ADAMTS16: variants seen among roughly 807,000 people sequenced by gnomAD.
The protein encoded by ADAMTS16 is ADAM metallopeptidase with thrombospondin type 1 motif 16.
ADAMTS16 carries 94 observed loss-of-function variants against 145.8 expected under a neutral mutation model. The observed-to-expected ratio is 0.64, with a 90% CI of 0.55 to 0.77. ADAMTS16 has a LOEUF of 0.77. Ranked by LOEUF, ADAMTS16 falls within the 30% of genes least tolerant of loss-of-function variation. The pLI is 0.00. For missense variants in ADAMTS16, 1,585 were observed against 1,591.5 expected, an observed-to-expected ratio of 1.00 and a Z score of 0.07; for synonymous variants, 659 against 604.3, an observed-to-expected ratio of 1.09 and a Z score of -1.33.
intron 3 of ADAMTS16, among the ~76,000 whole-genome samples, chr5:5,181,058 T>G (rs1735325890): frequency 6.6e-6 from 1 of 152,254 alleles, no homozygotes; most frequent in Non-Finnish European, 1.5e-5. Flanking sequence ...TTAAATTGTT[T>G]CTTGTTTTTA....
intron 3 of ADAMTS16, among the ~76,000 whole-genome samples, chr5:5,169,744 G>A (rs972957015): frequency 7.9e-5 from 12 of 152,124 alleles, no homozygotes; most frequent in Non-Finnish European, 1.6e-4. Flanking sequence ...GGTCGTCCAC[G>A]CCCAGTTTCT....
chr5:5,206,298 C>T lies in ADAMTS16; in HGVS notation c.1452-2795C>T, dbSNP rs866345133. Among the ~76,000 whole-genome samples, 1,081 of 144,850 alleles carry T rather than the reference C, an allele frequency of 7.5e-3. 13 individuals are homozygous for T. The highest frequency in any genetic ancestry group is 0.027 in the African/African-American group (1,038 of 39,166). Reference sequence around the variant, plus strand: ...AAAATTAGCCGGGCGTAGTGGCGGGCGCCTGTAGTCCCAGCTACTTGGGAG... The same window carrying T: ...AAAATTAGCCGGGCGTAGTGGCGGGTGCCTGTAGTCCCAGCTACTTGGGAG... On this transcript the variant is annotated intron_variant, in intron 9 of 22. Transcript: ENST00000274181.
intron 21 of ADAMTS16, among the ~76,000 whole-genome samples, chr5:5,309,724 C>T (rs1740339861): frequency 6.6e-6 from 1 of 152,052 alleles, no homozygotes; most frequent in Admixed American, 6.5e-5. Flanking sequence ...TTCCTGGCTG[C>T]TGACCCATGA....
intron 3 of ADAMTS16, among the ~76,000 whole-genome samples, chr5:5,152,200 C>G (rs937608862): frequency 6.6e-6 from 1 of 152,260 alleles, no homozygotes; most frequent in African/African-American, 2.4e-5. Flanking sequence ...CAGCCTGTCT[C>G]TTCTCCTGGG....
chr5:5,226,531 T>C (rs1189504628), intron 11 of ADAMTS16, among the ~76,000 whole-genome samples: 1 of 152,120 alleles, frequency 6.6e-6, no homozygotes, highest in South Asian at 2.1e-4. Flanking sequence ...AGCCAAACCA[T>C]ATAAGACATC....
rs1736035045 is a variant in ADAMTS16 at position 5,204,356 on chromosome 5, C to G, written c.1451+4087C>G. On this transcript the variant is annotated intron_variant, in intron 9 of 22. Transcript: ENST00000274181. ...GGTACGAAATATATACAGAAAAGTACAAAATTATAAGAGTGCCTACAGCTC... is the reference window on the plus strand; with the variant it reads ...GGTACGAAATATATACAGAAAAGTAGAAAATTATAAGAGTGCCTACAGCTC... 2.6e-5 allele frequency among the ~76,000 whole-genome samples: 4 copies of G among 152,120 alleles called. No individual in the cohort carries two copies. In the South Asian group the frequency reaches 8.3e-4, roughly 32 times the overall value.
chr5:5,292,810 T>C (rs1739386092), intron 18 of ADAMTS16, among the ~76,000 whole-genome samples: 1 of 152,202 alleles, frequency 6.6e-6, no homozygotes, highest in Non-Finnish European at 1.5e-5. Flanking sequence ...TCACCCCTTC[T>C]TGGGACACAT....
chr5:5,246,946 T>A (rs1737460923), intron 17 of ADAMTS16, among the ~76,000 whole-genome samples: 1 of 152,176 alleles, frequency 6.6e-6, no homozygotes, highest in African/African-American at 2.4e-5. Context: ...CTGTGAGAAT[T>A]CAGAGAGATC....
intron 16 of ADAMTS16, 143 bp from the exon 17 acceptor site, chr5:5,241,910 T>C: frequency 9.8e-7 from 1 of 1,023,464 alleles, no homozygotes; most frequent in Non-Finnish European, 1.4e-6. Context: ...ATGTAAAGTT[T>C]GGATGATAGT....
At chr5:5,241,949 T>G in intron 16 of ADAMTS16, 104 bp from the exon 17 acceptor site, 1 of 1,348,362 alleles carries the variant, frequency 7.4e-7, no homozygotes, top group Non-Finnish European at 1.0e-6. Flanking sequence ...CATAACAAAC[T>G]TCTTGTTGAT....
intron 18 of ADAMTS16, among the ~76,000 whole-genome samples, chr5:5,295,203 A>G (rs1216977013): frequency 6.6e-6 from 1 of 152,214 alleles, no homozygotes; most frequent in East Asian, 1.9e-4. Flanking sequence ...TTAAAGAAGG[A>G]TGAAACTTGT....
chr5:5,305,121 ACCCC>A, intron 20 of ADAMTS16, among the ~76,000 whole-genome samples: 1 of 46,742 alleles, frequency 2.1e-5, no homozygotes, highest in Non-Finnish European at 5.1e-5. Context: ...CCACACACAC[ACCCC>A]ACACCACACA....
chr5:5,260,980 AC>A (rs1332925448), intron 17 of ADAMTS16, among the ~76,000 whole-genome samples: 1 of 152,190 alleles, frequency 6.6e-6, no homozygotes, highest in Non-Finnish European at 1.5e-5. Flanking sequence ...TGAGTTGTAC[AC>A]GGCTTGGGCT....
intron 3 of ADAMTS16, among the ~76,000 whole-genome samples, chr5:5,162,383 C>T (rs372594019): frequency 1.5e-4 from 23 of 152,236 alleles, no homozygotes; most frequent in African/African-American, 5.3e-4. Flanking sequence ...GGTGAGAGCC[C>T]GGAAACCACA....
chr5:5,151,082 C>T (rs1734440137), intron 3 of ADAMTS16, among the ~76,000 whole-genome samples: 1 of 151,922 alleles, frequency 6.6e-6, no homozygotes, highest in Non-Finnish European at 1.5e-5. Flanking sequence ...TATTATTAAG[C>T]CCCCTCATAA....
chr5:5,226,919 G>A (rs891675130), intron 11 of ADAMTS16, among the ~76,000 whole-genome samples: 1 of 152,238 alleles, frequency 6.6e-6, no homozygotes, highest in African/African-American at 2.4e-5. Flanking sequence ...TCCAGGGCAA[G>A]GGGTGGGGAC....
chr5:5,229,446 G>A (rs1579326216), intron 11 of ADAMTS16, among the ~76,000 whole-genome samples: 1 of 152,068 alleles, frequency 6.6e-6, no homozygotes, highest in Non-Finnish European at 1.5e-5. Flanking sequence ...TGTATCCTTT[G>A]TTCGGTGTAC....
chr5:5,190,653 C>T lies in ADAMTS16; in HGVS notation c.1207+523C>T, dbSNP rs577596693. On this transcript the variant is annotated intron_variant, in intron 7 of 22. Transcript: ENST00000274181. Reference sequence around the variant, plus strand: ...AACACTGTGCTACTGACCAGGATTCCGCTGAACATGTCTTCTAACTCTCCG... The same window carrying T: ...AACACTGTGCTACTGACCAGGATTCTGCTGAACATGTCTTCTAACTCTCCG... Among the ~76,000 whole-genome samples the T allele has an allele frequency of 9.2e-5, 14 of 152,236 alleles. No individual in the cohort carries two copies. In the East Asian group the frequency reaches 1.4e-3, roughly 15 times the overall value.
chr5:5,142,402 G>A (rs1734192541), intron 2 of ADAMTS16: 1 of 152,224 alleles, frequency 6.6e-6, no homozygotes, highest in South Asian at 2.1e-4. Context: ...CCTTCTTAGT[G>A]AAGTTCTAGC....
Sources: allele counts gnomAD v4.1 joint callset (sites outside exome capture counted in the v4.1 genomes callset), GRCh38; gene constraint gnomAD v4.1.1; transcripts MANE v1.5; gene names NCBI Gene and HGNC (gene_info 2026-07-23, HGNC 2026-07-21).